ADGRL2: variants seen among roughly 807,000 people sequenced by gnomAD.
ADGRL2 encodes adhesion G protein-coupled receptor L2.
In ADGRL2, 44 loss-of-function variants were observed where a neutral mutation model predicts 157.4. The observed-to-expected ratio is 0.28, with a 90% CI of 0.22 to 0.36. ADGRL2 has a LOEUF of 0.36. ADGRL2 is among the 10% of genes least tolerant of loss of function. ADGRL2 has a pLI of 1.00. For synonymous variants in ADGRL2, 585 were observed against 624.7 expected (o/e 0.94, Z 0.95); for missense variants, 1,510 against 1,768.9 (o/e 0.85, Z 2.63).
intron 3 of ADGRL2, among the ~76,000 whole-genome samples, chr1:81,638,664 A>G (rs75087692): frequency 0.13 from 19,149 of 152,190 alleles, 1,654 homozygotes; most frequent in Non-Finnish European, 0.18. Context: ...CACTGGAAAA[A>G]AACTTTAAAA....
intron 2 of ADGRL2, among the ~76,000 whole-genome samples, chr1:81,500,535 A>G (rs1382398377): frequency 6.6e-6 from 1 of 152,252 alleles, no homozygotes; most frequent in Non-Finnish European, 1.5e-5. Flanking sequence ...GCAAAGTGAA[A>G]TAAGCCAGAA....
At chr1:81,917,778 C>T (rs1226979684) in intron 3 of ADGRL2, among the ~76,000 whole-genome samples, 1 of 152,094 alleles carries the variant, frequency 6.6e-6, no homozygotes, top group African/African-American at 2.4e-5. Flanking sequence ...TTTCAGACCG[C>T]AGATCTGTTA....
intron 1 of ADGRL2, among the ~76,000 whole-genome samples, chr1:81,405,888 C>T (rs774344730): frequency 1.3e-5 from 2 of 151,984 alleles, no homozygotes; most frequent in African/African-American, 4.8e-5. Flanking sequence ...CTTTTAAAAT[C>T]CAATAAAGTG....
intron 2 of ADGRL2, among the ~76,000 whole-genome samples, chr1:81,789,270 C>A (rs1034398142): frequency 8.5e-5 from 13 of 152,114 alleles, no homozygotes; most frequent in African/African-American, 3.1e-4. Context: ...AGTAAACCAA[C>A]AAATACAGTG....
intron 2 of ADGRL2, among the ~76,000 whole-genome samples, chr1:81,879,585 G>A (rs886892175): frequency 6.8e-6 from 1 of 147,964 alleles, no homozygotes; most frequent in Non-Finnish European, 1.5e-5. Context: ...GAGAAAGAAA[G>A]AAGTTTTTAT....
At chr1:81,916,204 G>A (rs921342463) in intron 3 of ADGRL2, among the ~76,000 whole-genome samples, 2 of 151,808 alleles carry the variant, frequency 1.3e-5, no homozygotes, top group African/African-American at 2.4e-5. Context: ...TTATCTAAAC[G>A]ACCACGAGAT....
chr1:81,630,684 T>C lies in ADGRL2; in HGVS notation c.-143+49704T>C, dbSNP rs1040310604. On this transcript the variant is annotated intron_variant, in intron 3 of 24. Transcript: ENST00000370721. ...ATGTGGAGTTATATATTGGGCTTGATTAGCAGCCTAAAGGAATTTTTAAAT... is the reference window on the plus strand; with the variant it reads ...ATGTGGAGTTATATATTGGGCTTGACTAGCAGCCTAAAGGAATTTTTAAAT... Among the ~76,000 whole-genome samples the C allele has an allele frequency of 2.6e-5, 4 of 152,332 alleles. No individual in the cohort carries two copies. In the East Asian group the frequency reaches 7.7e-4, roughly 29 times the overall value.
intron 1 of ADGRL2, among the ~76,000 whole-genome samples, chr1:81,435,018 A>G (rs954919601): frequency 4.5e-4 from 69 of 152,232 alleles, no homozygotes; most frequent in African/African-American, 1.6e-3. Flanking sequence ...CCAGTCCCTG[A>G]AAGTATTAAT....
intron 2 of ADGRL2, among the ~76,000 whole-genome samples, chr1:81,888,720 G>C (rs1226080405): frequency 6.6e-6 from 1 of 152,018 alleles, no homozygotes; most frequent in Non-Finnish European, 1.5e-5. Context: ...CCAAAGTGCT[G>C]GGATTACAAG....
At chr1:81,719,526 G>GTTTAAAAATT (rs1363637267) in intron 1 of ADGRL2, among the ~76,000 whole-genome samples, 14 of 151,840 alleles carry the variant, frequency 9.2e-5, no homozygotes, top group Non-Finnish European at 1.9e-4. Flanking sequence ...AATATTTGTT[G>GTTTAAAAATT]GCTGTTATCA....
intron 1 of ADGRL2, among the ~76,000 whole-genome samples, chr1:81,309,246 T>C (rs1048970009): frequency 6.6e-6 from 1 of 152,128 alleles, no homozygotes; most frequent in African/African-American, 2.4e-5. Flanking sequence ...ATCATGGAAG[T>C]TATTGCTGCA....
At chr1:81,514,365 T>A (rs114945148) in intron 2 of ADGRL2, among the ~76,000 whole-genome samples, 177 of 152,250 alleles carry the variant, frequency 1.2e-3, no homozygotes, top group African/African-American at 4.2e-3. Flanking sequence ...ATAGTTCGAA[T>A]GAATTAAAAC....
In ADGRL2 at chr1:81,981,830, G is replaced by A. The variant is rs373385024; in HGVS notation, c.3136G>A (p.Ala1046Thr). The change falls in exon 19 of 24, where the codon GCT becomes ACT. Residue 1046 changes from alanine (A) to threonine (T), a missense_variant. Coordinates refer to ENST00000686636, the MANE Select transcript of ADGRL2 (RefSeq NM_001366006.2). Reference sequence around the variant, plus strand: ...CAGGTCTTGGGTGCTTGGCGCTTTCGCTCTTCTGTGTCTTCTTGGCCTCAC... The same window carrying A: ...CAGGTCTTGGGTGCTTGGCGCTTTCACTCTTCTGTGTCTTCTTGGCCTCAC... ...NIKSWVLGAF[A>T]LLCLLGLTWS... 5.4e-5 allele frequency: 87 copies of A among 1,608,434 alleles called. No individual in the cohort carries two copies. Among genetic ancestry groups the A allele is most frequent in the Non-Finnish European group, 7.0e-5 (82 of 1,177,834 alleles).
At chr1:81,600,736 A>G (rs1464287202) in intron 3 of ADGRL2, among the ~76,000 whole-genome samples, 4 of 152,268 alleles carry the variant, frequency 2.6e-5, no homozygotes, top group Admixed American at 1.3e-4. Context: ...TTGTTTGTTT[A>G]AAAACATGAC....
intron 2 of ADGRL2, among the ~76,000 whole-genome samples, chr1:81,493,816 A>G (rs940228519): frequency 5.3e-5 from 8 of 152,154 alleles, no homozygotes; most frequent in African/African-American, 1.9e-4. Context: ...CAGTTTCCTC[A>G]GAAGTTTGGA....
chr1:81,504,583 C>G (rs2078928444), intron 2 of ADGRL2, among the ~76,000 whole-genome samples: 1 of 152,206 alleles, frequency 6.6e-6, no homozygotes, highest in Non-Finnish European at 1.5e-5. Context: ...ACCCCGGCCC[C>G]TCTGGCCCTT....
chr1:81,667,025 C>T (rs922157723), intron 3 of ADGRL2, among the ~76,000 whole-genome samples: 3 of 152,138 alleles, frequency 2.0e-5, no homozygotes, highest in African/African-American at 7.2e-5. Flanking sequence ...TTTAATAGTG[C>T]ACACACTGAA....
At chr1:81,368,538 T>G (rs867440502) in intron 1 of ADGRL2, among the ~76,000 whole-genome samples, 1 of 152,344 alleles carries the variant, frequency 6.6e-6, no homozygotes, top group Middle Eastern at 3.4e-3. Flanking sequence ...GAATAATTGA[T>G]TTAAATGCAC....
At chr1:81,733,445 G>A (rs992884175) in intron 1 of ADGRL2, among the ~76,000 whole-genome samples, 1 of 152,180 alleles carries the variant, frequency 6.6e-6, no homozygotes, top group Admixed American at 6.5e-5. Context: ...CCTTCTCACT[G>A]TTCTCACCTG....
Sources: allele counts gnomAD v4.1 joint callset (sites outside exome capture counted in the v4.1 genomes callset), GRCh38; gene constraint gnomAD v4.1.1; transcripts MANE v1.5; gene names NCBI Gene and HGNC (gene_info 2026-07-23, HGNC 2026-07-21).